Variants in NELL1 observed in about 807,000 individuals in gnomAD.
The protein encoded by NELL1 is neural EGFL like 1, also known as protein kinase C-binding protein NELL1.
In NELL1, 76 loss-of-function variants were observed where a neutral mutation model predicts 107.4. That is an observed-to-expected ratio of 0.71 (90% confidence interval 0.59 to 0.86). The LOEUF (loss-of-function observed/expected upper bound fraction) is 0.86. Ranked by LOEUF, NELL1 falls within the 40% of genes least tolerant of loss-of-function variation. NELL1 has a pLI of 0.00. For missense variants in NELL1, 1,024 were observed against 1,005.5 expected (o/e 1.02, Z -0.25); for synonymous variants, 353 against 341.2 (o/e 1.03, Z -0.38).
intron 2 of NELL1, among the ~76,000 whole-genome samples, chr11:20,753,971 T>TG (rs1328292329): frequency 1.3e-5 from 2 of 152,224 alleles, no homozygotes; most frequent in Admixed American, 6.5e-5. Flanking sequence ...TGGTTTGTCA[T>TG]GGGGCATATA....
At chr11:20,975,489 C>T (rs1476645356) in intron 12 of NELL1, among the ~76,000 whole-genome samples, 2 of 146,276 alleles carry the variant, frequency 1.4e-5, no homozygotes, top group Non-Finnish European at 3.0e-5. Context: ...ATGGATATAG[C>T]TACATATTCA....
chr11:21,357,432 G>T (rs577435847), intron 14 of NELL1, among the ~76,000 whole-genome samples: 1 of 151,932 alleles, frequency 6.6e-6, no homozygotes, highest in Non-Finnish European at 1.5e-5. Context: ...TTGTATATTC[G>T]TTGGCCATTT....
Position 20,918,502 on chromosome 11 carries a change from A to T in NELL1, c.676+248A>T, listed in dbSNP as rs377086038. ...CCCTAGACTGGGTAATTTATAAAGG[A>T]AAGAGGTTTAATTGACTCACAGTTC... On this transcript the variant is annotated intron_variant, in intron 6 of 19. Transcript: ENST00000357134. Among the ~76,000 whole-genome samples the T allele has an allele frequency of 3.0e-4, 45 of 152,140 alleles. No individual in the cohort carries two copies. The East Asian group carries it at 8.1e-3, about 27-fold the overall frequency.
At chr11:20,694,807 G>T (rs1854571507) in intron 2 of NELL1, among the ~76,000 whole-genome samples, 1 of 151,192 alleles carries the variant, frequency 6.6e-6, no homozygotes, top group South Asian at 2.1e-4. Context: ...TTTAGTGTAG[G>T]TTTTTTTTTA....
At chr11:21,454,233 C>A (rs544820790) in intron 15 of NELL1, among the ~76,000 whole-genome samples, 1 of 149,598 alleles carries the variant, frequency 6.7e-6, no homozygotes, top group East Asian at 2.0e-4. Flanking sequence ...CCAATTTCAT[C>A]CATGTCCCTA....
At chr11:20,967,247 C>A (rs1007691446) in intron 12 of NELL1, among the ~76,000 whole-genome samples, 1 of 152,052 alleles carries the variant, frequency 6.6e-6, no homozygotes, top group Non-Finnish European at 1.5e-5. Flanking sequence ...GGAAACAAGA[C>A]CCTGCAAATT....
intron 4 of NELL1, among the ~76,000 whole-genome samples, chr11:20,855,678 G>T (rs1478289890): frequency 6.6e-6 from 1 of 152,048 alleles, no homozygotes; most frequent in Non-Finnish European, 1.5e-5. Flanking sequence ...ATTTTTGATG[G>T]ATATGCATGG....
chr11:20,902,773 C>T (rs1355291165), intron 5 of NELL1, among the ~76,000 whole-genome samples: 1 of 151,342 alleles, frequency 6.6e-6, no homozygotes, highest in Non-Finnish European at 1.5e-5. Flanking sequence ...GACATAGAAA[C>T]ATAAAAATCA....
intron 15 of NELL1, among the ~76,000 whole-genome samples, chr11:21,507,820 C>T (rs1855325171): frequency 6.7e-6 from 1 of 149,396 alleles, no homozygotes; most frequent in Non-Finnish European, 1.5e-5. Context: ...CTCACTCTGT[C>T]ACCAGGCTGG....
chr11:20,777,190 C>T (rs1769430447), intron 2 of NELL1, among the ~76,000 whole-genome samples: 1 of 152,164 alleles, frequency 6.6e-6, no homozygotes, highest in Non-Finnish European at 1.5e-5. Flanking sequence ...GCCCAGTGTC[C>T]TTTAGAACAT....
At chr11:21,299,399 A>G (rs762693393) in intron 14 of NELL1, among the ~76,000 whole-genome samples, 26 of 151,954 alleles carry the variant, frequency 1.7e-4, no homozygotes, top group Non-Finnish European at 2.8e-4. Flanking sequence ...GAACACCTTC[A>G]ATCACCCAGC....
intron 15 of NELL1, among the ~76,000 whole-genome samples, chr11:21,383,390 G>T (rs1342842260): frequency 6.6e-6 from 1 of 151,842 alleles, no homozygotes. Context: ...GATCCTGGAA[G>T]ATTATTTTAT....
chr11:20,799,037 G>A (rs2133999794), intron 3 of NELL1, among the ~76,000 whole-genome samples: 1 of 152,266 alleles, frequency 6.6e-6, no homozygotes, highest in Middle Eastern at 3.4e-3. Context: ...AGGGATGAGG[G>A]ATAGGTCAGT....
chr11:21,532,818 T>G (rs1856025335), intron 15 of NELL1, among the ~76,000 whole-genome samples: 1 of 152,224 alleles, frequency 6.6e-6, no homozygotes, highest in African/African-American at 2.4e-5. Flanking sequence ...GGGCTGATTG[T>G]GTTATTTAGA....
chr11:20,810,104 C>G (rs1285582523), intron 3 of NELL1, among the ~76,000 whole-genome samples: 1 of 151,642 alleles, frequency 6.6e-6, no homozygotes, highest in African/African-American at 2.4e-5. Flanking sequence ...TTAGTGATGT[C>G]AAGCTCTTTT....
chr11:21,208,042 G>T (rs1857426283), intron 13 of NELL1, among the ~76,000 whole-genome samples: 1 of 151,734 alleles, frequency 6.6e-6, no homozygotes, highest in South Asian at 2.1e-4. Flanking sequence ...TGTTTTTGTG[G>T]CAAGAAGAGC....
chr11:21,099,581 G>T (rs781030699), intron 12 of NELL1, among the ~76,000 whole-genome samples: 1 of 152,132 alleles, frequency 6.6e-6, no homozygotes, highest in Non-Finnish European at 1.5e-5. Context: ...CCAAAAAAAT[G>T]AGAGGCAGCA....
intron 13 of NELL1, among the ~76,000 whole-genome samples, chr11:21,133,117 C>T (rs1385422448): frequency 6.6e-6 from 1 of 152,066 alleles, no homozygotes; most frequent in Non-Finnish European, 1.5e-5. Context: ...CAACAAGTGT[C>T]CAGCTTAAGA....
At chr11:20,914,879 T>G (rs1464082789) in intron 5 of NELL1, among the ~76,000 whole-genome samples, 1 of 152,028 alleles carries the variant, frequency 6.6e-6, no homozygotes, top group Non-Finnish European at 1.5e-5. Flanking sequence ...CTCAGACAGT[T>G]TTCAAAATAG....
Sources: gnomAD v4.1 joint callset for allele counts (sites outside exome capture counted in the v4.1 genomes callset) on GRCh38, gnomAD v4.1.1 for gene constraint, MANE v1.5 for transcripts, NCBI Gene and HGNC (gene_info 2026-07-23, HGNC 2026-07-21) for gene names.